The following ENOX1 variants were observed in gnomAD, a reference collection of about 807,000 sequenced individuals.
ENOX1 encodes the protein candidate growth-related and time keeping constitutive hydroquinone (NADH) oxidase.
ENOX1 carries 42 observed loss-of-function variants against 82.5 expected under a neutral mutation model. That is an observed-to-expected ratio of 0.51 (90% CI 0.40 to 0.66). The LOEUF (loss-of-function observed/expected upper bound fraction) is 0.66. Among genes scored for constraint, ENOX1 ranks in the 30% least tolerant of loss-of-function variants. The pLI, the probability that ENOX1 is intolerant of heterozygous loss-of-function variation, is 0.00. For missense variants in ENOX1, 608 were observed against 811.6 expected, an observed-to-expected ratio of 0.75 and a Z score of 3.05; for synonymous variants, 271 against 282.2, an observed-to-expected ratio of 0.96 and a Z score of 0.40.
intron 2 of ENOX1, among the ~76,000 whole-genome samples, chr13:43,532,239 T>C (rs2078262168): frequency 6.6e-6 from 1 of 152,162 alleles, no homozygotes; most frequent in Non-Finnish European, 1.5e-5. Flanking sequence ...TTCTCTTTAT[T>C]ATTCATATTT....
intron 14 of ENOX1, among the ~76,000 whole-genome samples, chr13:43,241,583 A>C (rs1385284769): frequency 6.6e-6 from 1 of 152,228 alleles, no homozygotes; most frequent in Non-Finnish European, 1.5e-5. Flanking sequence ...ACCAGACTAG[A>C]AAATGCACTG....
At chr13:43,505,157 C>T (rs1272729518) in intron 2 of ENOX1, among the ~76,000 whole-genome samples, 2 of 151,816 alleles carry the variant, frequency 1.3e-5, no homozygotes, top group Non-Finnish European at 2.9e-5. Flanking sequence ...CTAGATGCTT[C>T]CAGTTCAACA....
Position 43,373,644 on chromosome 13 carries a change from G to A in ENOX1, c.209-12192C>T, listed in dbSNP as rs574461256. On this transcript the variant is annotated intron_variant, in intron 5 of 16. Coordinates refer to ENST00000690772, the MANE Select transcript of ENOX1 (RefSeq NM_001347969.2). ...CGTGTCTTTTTAATAAATTAAAACT[G>A]AGCAGCACCAGACTTTTAAAAATAC... Among the ~76,000 whole-genome samples the A allele has an allele frequency of 2.6e-5, 4 of 152,180 alleles. No homozygotes were observed. In the East Asian group the frequency reaches 7.7e-4, roughly 29 times the overall value.
At chr13:43,348,969 G>C (rs1458372977) in intron 8 of ENOX1, among the ~76,000 whole-genome samples, 2 of 152,196 alleles carry the variant, frequency 1.3e-5, no homozygotes, top group Non-Finnish European at 2.9e-5. Flanking sequence ...AGTATATATA[G>C]TGTTCAGTAC....
At chr13:43,273,608 C>T (rs1238935540) in intron 12 of ENOX1, among the ~76,000 whole-genome samples, 1 of 152,186 alleles carries the variant, frequency 6.6e-6, no homozygotes, top group East Asian at 1.9e-4. Flanking sequence ...GAGCCCCATC[C>T]TCTCTAGGTA....
intron 3 of ENOX1, among the ~76,000 whole-genome samples, chr13:43,442,070 A>G (rs1056561076): frequency 2.0e-5 from 3 of 152,106 alleles, no homozygotes; most frequent in Non-Finnish European, 4.4e-5. Context: ...TGAACAGACC[A>G]GGGCCCCAGA....
intron 2 of ENOX1, among the ~76,000 whole-genome samples, chr13:43,641,600 AT>A (rs1351409924): frequency 8.4e-6 from 1 of 118,976 alleles, no homozygotes; most frequent in Non-Finnish European, 1.6e-5. Context: ...CAGTGGCGCC[AT>A]CTTGGCTAAC....
At chr13:43,516,141 A>T (rs1269320810) in intron 2 of ENOX1, among the ~76,000 whole-genome samples, 1 of 152,190 alleles carries the variant, frequency 6.6e-6, no homozygotes, top group African/African-American at 2.4e-5. Flanking sequence ...AATATACAGT[A>T]AAGAATGGTT....
intron 1 of ENOX1, among the ~76,000 whole-genome samples, chr13:43,730,863 G>C (rs1280331526): frequency 1.3e-5 from 2 of 152,072 alleles, no homozygotes; most frequent in African/African-American, 2.4e-5. Flanking sequence ...CTCAGCTCAG[G>C]CCTCAGCTCC....
intron 1 of ENOX1, among the ~76,000 whole-genome samples, chr13:43,775,702 T>C (rs1951877740): frequency 6.6e-6 from 1 of 152,088 alleles, no homozygotes; most frequent in African/African-American, 2.4e-5. Context: ...TCTCTCTGCT[T>C]GACTTGGGGC....
intron 2 of ENOX1, among the ~76,000 whole-genome samples, chr13:43,556,501 G>T (rs896195490): frequency 6.6e-6 from 1 of 151,920 alleles, no homozygotes; most frequent in African/African-American, 2.4e-5. Context: ...AAACTTCGTA[G>T]TAAGTTGAAG....
intron 5 of ENOX1, among the ~76,000 whole-genome samples, chr13:43,375,956 C>A (rs895459526): frequency 1.3e-5 from 2 of 152,144 alleles, no homozygotes; most frequent in African/African-American, 4.8e-5. Context: ...AAAGTGCACA[C>A]GTTGTGGAAG....
chr13:43,256,431 T>C (rs970369418), intron 14 of ENOX1, among the ~76,000 whole-genome samples: 1 of 152,002 alleles, frequency 6.6e-6, no homozygotes, highest in Non-Finnish European at 1.5e-5. Context: ...AACCGTAATA[T>C]AAGGAATTAA....
intron 1 of ENOX1, among the ~76,000 whole-genome samples, chr13:43,731,211 G>T (rs946355790): frequency 3.3e-5 from 5 of 152,090 alleles, no homozygotes; most frequent in African/African-American, 1.2e-4. Context: ...ACATCAATTT[G>T]CCATACACTA....
At chr13:43,519,677 G>C (rs529506665) in intron 2 of ENOX1, among the ~76,000 whole-genome samples, 1 of 152,236 alleles carries the variant, frequency 6.6e-6, no homozygotes, top group Admixed American at 6.5e-5. Context: ...CCCAGGAGTA[G>C]GCCTGAGGTA....
At chr13:43,704,649 T>A (rs1594482319) in intron 1 of ENOX1, among the ~76,000 whole-genome samples, 1 of 152,080 alleles carries the variant, frequency 6.6e-6, no homozygotes, top group Non-Finnish European at 1.5e-5. Flanking sequence ...AACGAAGAAA[T>A]GCGTAGAAAT....
At chr13:43,738,409 C>T (rs1381288894) in intron 1 of ENOX1, among the ~76,000 whole-genome samples, 3 of 152,052 alleles carry the variant, frequency 2.0e-5, no homozygotes, top group Non-Finnish European at 4.4e-5. Flanking sequence ...TTCTCTCAGG[C>T]CATGTATAGA....
chr13:43,708,586 G>T (rs1252339740), intron 1 of ENOX1, among the ~76,000 whole-genome samples: 1 of 152,156 alleles, frequency 6.6e-6, no homozygotes, highest in East Asian at 1.9e-4. Context: ...AGACCCATAT[G>T]GATTTGGTGC....
chr13:43,470,377 C>CACATATATATGTGTATATATATGT (rs1555290142), intron 3 of ENOX1, among the ~76,000 whole-genome samples: 9 of 27,038 alleles, frequency 3.3e-4, no homozygotes, highest in Admixed American at 9.3e-4. Context: ...TATATATATA[C>CACATATATATGTGTATATATATGT]ATATATATAC....
Sources: gnomAD v4.1 joint callset for allele counts (sites outside exome capture counted in the v4.1 genomes callset) on GRCh38, gnomAD v4.1.1 for gene constraint, MANE v1.5 for transcripts, NCBI Gene and HGNC (gene_info 2026-07-23, HGNC 2026-07-21) for gene names.